Variants in DSCAM observed in about 807,000 individuals in gnomAD.
The protein encoded by DSCAM is DS cell adhesion molecule, also known as cell adhesion molecule DSCAM.
A neutral mutation model predicts 217.7 loss-of-function variants in DSCAM; 47 were observed. The ratio of observed to expected loss-of-function variants is 0.22; its 90% CI spans 0.17 to 0.28. The LOEUF is 0.28. Ranked by LOEUF, DSCAM falls within the 10% of genes least tolerant of loss-of-function variation. The probability of loss-of-function intolerance (pLI) is 1.00; values close to 1 mark genes in which losing one functional copy is unlikely to be tolerated. For missense variants in DSCAM, 2,080 were observed against 2,618.3 expected, an observed-to-expected ratio of 0.79 and a Z score of 4.49; for synonymous variants, 1,056 against 1,015.3, an observed-to-expected ratio of 1.04 and a Z score of -0.76.
intron 6 of DSCAM, among the ~76,000 whole-genome samples, chr21:40,347,085 G>A (rs1184477919): frequency 6.6e-6 from 1 of 152,054 alleles, no homozygotes; most frequent in Middle Eastern, 3.2e-3. Flanking sequence ...CAGATCACCT[G>A]GTCAGAAATT....
intron 3 of DSCAM, among the ~76,000 whole-genome samples, chr21:40,573,679 A>AT (rs2076826309): frequency 6.6e-6 from 1 of 152,126 alleles, no homozygotes; most frequent in Non-Finnish European, 1.5e-5. Flanking sequence ...TAAAATGAAA[A>AT]CACATAAAAG....
intron 1 of DSCAM, among the ~76,000 whole-genome samples, chr21:40,798,966 C>T (rs542818955): frequency 6.6e-6 from 1 of 152,092 alleles, no homozygotes; most frequent in African/African-American, 2.4e-5. Context: ...AAACTATAGC[C>T]TAAGCCATTA....
Position 40,016,337 on chromosome 21 carries a change from G to A in DSCAM, c.5687-2951C>T, listed in dbSNP as rs2088157062. 6.6e-6 allele frequency among the ~76,000 whole-genome samples: 1 copy of A among 152,224 alleles called. No homozygotes were observed. Among genetic ancestry groups the A allele is most frequent in the African/African-American group, 2.4e-5 (1 of 41,454 alleles). ...CTAAGCTCAGGAAACTGTGTGGACA[G>A]TGAAATCACTAACTGTGAAAGGGTG... is the stretch of plus-strand genomic sequence containing the variant. On this transcript the variant is annotated intron_variant, in intron 32 of 32. Coordinates refer to ENST00000400454, the MANE Select transcript of DSCAM (RefSeq NM_001389.5). The surrounding 1 kb of genome is among the most constrained non-coding windows in gnomAD (Gnocchi z 4.3).
At chr21:40,580,576 G>A (rs1311724317) in intron 3 of DSCAM, among the ~76,000 whole-genome samples, 4 of 151,888 alleles carry the variant, frequency 2.6e-5, no homozygotes, top group Non-Finnish European at 4.4e-5. Flanking sequence ...ACGTTAAAAA[G>A]AAGGTAGATT....
intron 1 of DSCAM, among the ~76,000 whole-genome samples, chr21:40,803,165 A>C (rs2091757197): frequency 6.6e-6 from 1 of 152,246 alleles, no homozygotes; most frequent in Non-Finnish European, 1.5e-5. Context: ...GTCTCCAATA[A>C]GTGCTGCACA....
intron 3 of DSCAM, among the ~76,000 whole-genome samples, chr21:40,476,231 T>C (rs1423775971): frequency 2.0e-5 from 3 of 152,148 alleles, no homozygotes; most frequent in Non-Finnish European, 4.4e-5. Flanking sequence ...GGTATATCGA[T>C]AATTTTAGGG....
At chr21:40,487,757 A>C (rs1026967683) in intron 3 of DSCAM, among the ~76,000 whole-genome samples, 1 of 152,114 alleles carries the variant, frequency 6.6e-6, no homozygotes, top group Non-Finnish European at 1.5e-5. Context: ...AGAACCTATG[A>C]AGCTGCTTGA....
chr21:40,722,142 C>A (rs887066674), intron 1 of DSCAM, among the ~76,000 whole-genome samples: 2 of 151,982 alleles, frequency 1.3e-5, no homozygotes, highest in Admixed American at 1.3e-4. Flanking sequence ...AATTCATTGT[C>A]AGTAGACTAG....
chr21:40,134,345 C>A (rs2090185567), intron 18 of DSCAM, among the ~76,000 whole-genome samples: 1 of 152,192 alleles, frequency 6.6e-6, no homozygotes, highest in South Asian at 2.1e-4. Context: ...TGAGCAATGT[C>A]CCCTGCACCC....
At chr21:40,403,629 G>GCACACACACACA (rs3069908) in intron 3 of DSCAM, among the ~76,000 whole-genome samples, 22 of 145,892 alleles carry the variant, frequency 1.5e-4, no homozygotes, top group African/African-American at 5.1e-4. Flanking sequence ...GCATGCATGT[G>GCACACACACACA]CACACACACA....
At chr21:40,638,722 G>A (rs369879175) in intron 3 of DSCAM, among the ~76,000 whole-genome samples, 29 of 152,160 alleles carry the variant, frequency 1.9e-4, no homozygotes, top group African/African-American at 7.0e-4. Flanking sequence ...AAAATGAGCG[G>A]TAATTACACC....
At chr21:40,810,835 T>C (rs573557635) in intron 1 of DSCAM, among the ~76,000 whole-genome samples, 3 of 152,138 alleles carry the variant, frequency 2.0e-5, no homozygotes, top group African/African-American at 7.2e-5. Flanking sequence ...AGCCTTGGAG[T>C]TCAAGGCTGC....
intron 1 of DSCAM, among the ~76,000 whole-genome samples, chr21:40,806,958 C>T (rs1026021756): frequency 6.7e-6 from 1 of 150,126 alleles, no homozygotes; most frequent in South Asian, 2.2e-4. Flanking sequence ...CGGGGCCTAT[C>T]GGGGGTGAGG....
At chr21:40,101,648 T>C (rs79716676) in intron 20 of DSCAM, among the ~76,000 whole-genome samples, 3 of 152,218 alleles carry the variant, frequency 2.0e-5, no homozygotes, top group African/African-American at 7.2e-5. Context: ...CAATCCACAG[T>C]GTTCTTAGGG....
chr21:40,109,943 C>A (rs184990447), intron 20 of DSCAM, among the ~76,000 whole-genome samples: 38 of 152,312 alleles, frequency 2.5e-4, no homozygotes, highest in Admixed American at 1.4e-3. Flanking sequence ...GTGGAGCCCA[C>A]CGCAGCTCAA....
intron 3 of DSCAM, among the ~76,000 whole-genome samples, chr21:40,526,450 C>A (rs748083416): frequency 3.3e-5 from 5 of 152,100 alleles, no homozygotes; most frequent in Admixed American, 2.6e-4. Context: ...TCCATCCAAG[C>A]CTTAACTGAC....
chr21:40,674,928 A>G (rs940757360), intron 3 of DSCAM, among the ~76,000 whole-genome samples: 2 of 152,064 alleles, frequency 1.3e-5, no homozygotes, highest in African/African-American at 4.8e-5. Flanking sequence ...CGGCCCATAA[A>G]GGTATTTTTA....
intron 3 of DSCAM, among the ~76,000 whole-genome samples, chr21:40,396,575 ATGGT>A (rs2075180531): frequency 6.6e-6 from 1 of 152,108 alleles, no homozygotes; most frequent in African/African-American, 2.4e-5. Context: ...TTAACTGGAA[ATGGT>A]TGTGGCCACT....
At chr21:40,136,887 A>G (rs996248893) in intron 18 of DSCAM, among the ~76,000 whole-genome samples, 1 of 152,118 alleles carries the variant, frequency 6.6e-6, no homozygotes, top group Admixed American at 6.5e-5. Flanking sequence ...AAGAAAGCAA[A>G]CACTTGGCCC....
Sources: allele counts gnomAD v4.1 joint callset (sites outside exome capture counted in the v4.1 genomes callset), GRCh38; gene constraint gnomAD v4.1.1; non-coding constraint Gnocchi (gnomAD v3.1); transcripts MANE v1.5; gene names NCBI Gene and HGNC (gene_info 2026-07-23, HGNC 2026-07-21).